Variants in CPEB3 observed in about 807,000 individuals in gnomAD.
The protein encoded by CPEB3 is cytoplasmic polyadenylation element-binding protein 3.
A neutral mutation model predicts 67.2 loss-of-function variants in CPEB3; 20 were observed. That is an observed-to-expected ratio of 0.30 (90% CI 0.21 to 0.43). The LOEUF is 0.43. Ranked by LOEUF, CPEB3 falls within the 20% of genes least tolerant of loss-of-function variation. The pLI is 1.00. For missense variants in CPEB3, 746 were observed against 968.6 expected, an observed-to-expected ratio of 0.77 and a Z score of 3.05; for synonymous variants, 376 against 393.1, an observed-to-expected ratio of 0.96 and a Z score of 0.51.
At chr10:92,226,700 A>T (rs768240400) in intron 2 of CPEB3, among the ~76,000 whole-genome samples, 15 of 152,226 alleles carry the variant, frequency 9.9e-5, no homozygotes, top group Non-Finnish European at 2.2e-4. Context: ...ACAATGTAGC[A>T]TAAGAGGAAT....
At chr10:92,080,845 C>T (rs530777025) in intron 9 of CPEB3, among the ~76,000 whole-genome samples, 17 of 152,096 alleles carry the variant, frequency 1.1e-4, no homozygotes, top group Admixed American at 2.6e-4. Flanking sequence ...ATGATCCACC[C>T]GCCTCGGCCT....
chr10:92,077,659 TGAG>T (rs1466516269), intron 9 of CPEB3, among the ~76,000 whole-genome samples: 13 of 151,806 alleles, frequency 8.6e-5, no homozygotes. Flanking sequence ...TTGGAGTGGT[TGAG>T]GTGGGAAAAT....
chr10:92,066,092 G>A (rs552570894), intron 9 of CPEB3, among the ~76,000 whole-genome samples: 15 of 151,020 alleles, frequency 9.9e-5, no homozygotes, highest in African/African-American at 2.7e-4. Context: ...GTGAGACCTC[G>A]TCTCAAAAAA....
At chr10:92,091,571 G>T (rs930869081) in intron 8 of CPEB3, among the ~76,000 whole-genome samples, 3 of 151,996 alleles carry the variant, frequency 2.0e-5, no homozygotes, top group African/African-American at 7.2e-5. Context: ...TTTTATATAA[G>T]CAATTAAATA....
intron 9 of CPEB3, among the ~76,000 whole-genome samples, chr10:92,068,389 G>A (rs780520673): frequency 2.0e-5 from 3 of 152,156 alleles, no homozygotes; most frequent in East Asian, 1.9e-4. Flanking sequence ...CACCCCCTCA[G>A]GGTATAGAGA....
chr10:92,282,257 A>G lies in CPEB3; in HGVS notation c.-12+8669T>C, dbSNP rs530679431. ...ATGATATTGATTTATGAAATTTTGT[A>G]AATATCTACCCCATTACAGTGAATA... is the stretch of plus-strand genomic sequence containing the variant. On this transcript the variant is annotated intron_variant, in intron 1 of 9. Transcript: ENST00000265997. Among the ~76,000 whole-genome samples the G allele has an allele frequency of 3.3e-5, 5 of 152,370 alleles. 1 individual carries two copies. The highest frequency in any genetic ancestry group is 3.3e-4 in the Admixed American group (5 of 15,294).
intron 1 of CPEB3, among the ~76,000 whole-genome samples, chr10:92,270,487 G>T (rs749623486): frequency 4.6e-5 from 7 of 151,862 alleles, no homozygotes; most frequent in Non-Finnish European, 7.4e-5. Flanking sequence ...AACAGGAGTG[G>T]GTAGAAGAGA....
intron 4 of CPEB3, among the ~76,000 whole-genome samples, chr10:92,178,037 C>T (rs1002505372): frequency 2.6e-5 from 4 of 152,124 alleles, no homozygotes; most frequent in Admixed American, 1.3e-4. Context: ...TCTCAATTTG[C>T]TATAATTTTC....
At position 92,143,008 on chromosome 10, in the gene CPEB3, G is replaced by T. The variant is rs201487467; in HGVS notation, c.1453+21C>A. On this transcript the variant is annotated intron_variant, in intron 6 of 9. Coordinates refer to ENST00000265997, the MANE Select transcript of CPEB3 (RefSeq NM_014912.5). The stretch of plus-strand genomic sequence containing the variant: ...CTATCTCTCCAACAGGCAAGCAGTG[G>T]AAACATTTTAAGAGCATTACCTTTA... 40 of 1,568,594 alleles carry T rather than the reference G, an allele frequency of 2.6e-5. No homozygotes were observed. The African/African-American group carries it at 4.7e-4, about 19-fold the overall frequency.
Position 92,049,853 on chromosome 10 carries a change from G to C in CPEB3, c.*2359C>G, listed in dbSNP as rs1852227280. ...GTTAGATATGATCTTTAATATTATA[G>C]TTATAAAGCTCTAACTTCTTCATTT... On this transcript the variant is annotated 3_prime_UTR_variant, in exon 10 of 10. Coordinates refer to ENST00000265997, the MANE Select transcript of CPEB3 (RefSeq NM_014912.5). 6.6e-6 allele frequency: 1 copy of C among 152,368 alleles called. No individual in the cohort carries two copies. The highest frequency in any genetic ancestry group is 6.6e-5 in the Admixed American group (1 of 15,240). 9.4% of individuals were successfully genotyped at this position (152,368 alleles called of 1,614,324 possible).
chr10:92,098,517 C>A (rs909099292), intron 7 of CPEB3, among the ~76,000 whole-genome samples: 1 of 151,980 alleles, frequency 6.6e-6, no homozygotes, highest in Non-Finnish European at 1.5e-5. Context: ...CCATGTTGGT[C>A]GGGATGGTCT....
At chr10:92,190,297 C>T (rs1245716209) in intron 3 of CPEB3, among the ~76,000 whole-genome samples, 1 of 150,196 alleles carries the variant, frequency 6.7e-6, no homozygotes, top group Non-Finnish European at 1.5e-5. Context: ...CAACAAAAAT[C>T]CAGTTACCCT....
Position 92,081,557 on chromosome 10 carries a change from C to T in CPEB3, c.1688-56G>A, listed in dbSNP as rs1564762542. ...ATAAATATCTGGGAGGTACTCTTGC[C>T]CAGGAGAAGGAAGAATTATTTAGAG... On this transcript the variant is annotated intron_variant, in intron 8 of 9. Transcript: ENST00000265997. 3 of 1,449,626 alleles carry T rather than the reference C, an allele frequency of 2.1e-6. No individual in the cohort carries two copies. The East Asian group carries it at 6.9e-5, about 33-fold the overall frequency. 89.8% of individuals were successfully genotyped at this position (1,449,626 alleles called of 1,614,324 possible).
chr10:92,186,223 T>TAA (rs1848682427), intron 3 of CPEB3, among the ~76,000 whole-genome samples: 1 of 80,042 alleles, frequency 1.2e-5, no homozygotes, highest in Non-Finnish European at 2.9e-5. Context: ...AAAAAAAAAA[T>TAA]ACAAAAAAAA....
At chr10:92,253,013 T>A (rs1252616475) in intron 1 of CPEB3, among the ~76,000 whole-genome samples, 3 of 152,004 alleles carry the variant, frequency 2.0e-5, no homozygotes, top group African/African-American at 7.2e-5. Flanking sequence ...AACCTCCAAC[T>A]TAAAGTTATA....
At chr10:92,290,380 T>C (rs1321432380) in intron 1 of CPEB3, among the ~76,000 whole-genome samples, 2 of 151,676 alleles carry the variant, frequency 1.3e-5, no homozygotes, top group East Asian at 3.9e-4. Context: ...CTTGAAGGTG[T>C]CAACGCGACT....
chr10:92,227,233 G>T (rs1031886699), intron 2 of CPEB3, among the ~76,000 whole-genome samples: 3 of 152,170 alleles, frequency 2.0e-5, no homozygotes, highest in African/African-American at 7.2e-5. Context: ...TATTCTCTGA[G>T]TCTCAAATAG....
chr10:92,216,506 C>G, intron 2 of CPEB3: 2 of 1,613,002 alleles, frequency 1.2e-6, no homozygotes, highest in Non-Finnish European at 8.5e-7. Context: ...GAAGCAGAAG[C>G]AGATTCGGCG....
At chr10:92,077,792 G>A (rs1200375439) in intron 9 of CPEB3, among the ~76,000 whole-genome samples, 2 of 149,118 alleles carry the variant, frequency 1.3e-5, no homozygotes, top group Non-Finnish European at 3.0e-5. Context: ...GGAGGGGAGA[G>A]GAGGGGAAGA....
Sources: allele counts gnomAD v4.1 joint callset (sites outside exome capture counted in the v4.1 genomes callset), GRCh38; gene constraint gnomAD v4.1.1; transcripts MANE v1.5; gene names NCBI Gene and HGNC (gene_info 2026-07-23, HGNC 2026-07-21).